LZTS1: variants seen among roughly 807,000 people sequenced by gnomAD.
LZTS1 encodes leucine zipper tumor suppressor 1.
A neutral mutation model predicts 45.8 loss-of-function variants in LZTS1; 31 were observed. The observed-to-expected ratio is 0.68, with a 90% CI of 0.51 to 0.91. The LOEUF is 0.91. Ranked by LOEUF, LZTS1 falls within the 40% of genes least tolerant of loss-of-function variation. The probability of loss-of-function intolerance (pLI) is 0.00; values close to 1 mark genes in which losing one functional copy is unlikely to be tolerated. For synonymous variants in LZTS1, 359 were observed against 357.3 expected (o/e 1.00, Z -0.05); for missense variants, 821 against 788.9 (o/e 1.04, Z -0.49).
At chr8:20,270,941 C>T (rs1800461043) in intron 1 of LZTS1, among the ~76,000 whole-genome samples, 1 of 151,978 alleles carries the variant, frequency 6.6e-6, no homozygotes, top group Non-Finnish European at 1.5e-5. Flanking sequence ...CAGCAGGAAG[C>T]ACAGCTCAGA....
intron 1 of LZTS1, 44 bp downstream of exon 1, chr8:20,303,696 C>T: frequency 2.0e-6 from 2 of 985,488 alleles, no homozygotes; most frequent in Non-Finnish European, 2.4e-6. Context: ...GCCAGGGCAG[C>T]AGACCCTCCA....
At chr8:20,288,046 C>T (rs1346246355) in intron 1 of LZTS1, among the ~76,000 whole-genome samples, 3 of 152,176 alleles carry the variant, frequency 2.0e-5, no homozygotes, top group African/African-American at 7.2e-5. Context: ...CTGCCCAGCC[C>T]CCACCTCCTG....
chr8:20,299,194 G>C (rs1801030047), intron 1 of LZTS1, among the ~76,000 whole-genome samples: 1 of 152,198 alleles, frequency 6.6e-6, no homozygotes, highest in Non-Finnish European at 1.5e-5. Context: ...TCTTGGAAGA[G>C]AGAGCCCTGT....
intron 3 of LZTS1, among the ~76,000 whole-genome samples, chr8:20,252,473 G>A (rs1199777084): frequency 5.3e-5 from 8 of 152,208 alleles, no homozygotes; most frequent in Admixed American, 5.2e-4. Flanking sequence ...CTGATGGAAG[G>A]GAGGTCAGCC....
chr8:20,254,675 T>C (rs1444416284), intron 2 of LZTS1, among the ~76,000 whole-genome samples, 162 bp downstream of exon 2: 2 of 152,224 alleles, frequency 1.3e-5, no homozygotes, highest in African/African-American at 4.8e-5. Context: ...GTTTGATCTC[T>C]GCGGTGTGGC....
In LZTS1 at chr8:20,262,108, C is replaced by A. The variant is rs566367274; in HGVS notation, c.-134-6793G>T. ...CCCCTCTTTACCCCATCCATTCCCC[C>A]CCAGAACTTTTGCCCTTTGCAGGCC... On this transcript the variant is annotated intron_variant, in intron 1 of 3. Transcript: ENST00000381569. 7.9e-5 allele frequency among the ~76,000 whole-genome samples: 12 copies of A among 152,314 alleles called. No homozygotes were observed. In the South Asian group the frequency reaches 1.7e-3, roughly 21 times the overall value.
Position 20,250,045 on chromosome 8 carries a change from G to T in LZTS1, c.1468C>A (p.Pro490Thr). The T allele has an allele frequency of 6.2e-7, 1 of 1,608,724 alleles. No homozygotes were observed. ...GGGACGTCCTCGGGGAAGGTGGGCG[G>T]CCCCATGTCGCGGGCCAGGGCGGCC... ...AQAALARDMG[P>T]PTFPEDVPAL... The change falls in exon 4 of 4, where the codon CCG (proline) becomes ACG (threonine). Residue 490 changes from proline (P) to threonine (T), a missense_variant. Physicochemically the swap from Pro to Thr is conservative, Grantham distance 38. Coordinates refer to ENST00000381569, the MANE Select transcript of LZTS1 (RefSeq NM_021020.5).
chr8:20,247,247 A>G lies in LZTS1; in HGVS notation c.*2475T>C, dbSNP rs1185997024. On this transcript the variant is annotated 3_prime_UTR_variant, in exon 4 of 4. Transcript: ENST00000381569. The stretch of plus-strand genomic sequence containing the variant: ...AGGTACCGGGACACCATGGCGGAGC[A>G]CAGCCTCCGCCTCAGGGCCTTCCCC... The G allele has an allele frequency of 6.6e-6, 1 of 152,338 alleles. No individual in the cohort carries two copies. The highest frequency in any genetic ancestry group is 2.4e-5 in the African/African-American group (1 of 41,428). 9.4% of individuals were successfully genotyped at this position (152,338 alleles called of 1,614,324 possible).
chr8:20,279,756 G>C (rs954182693), intron 1 of LZTS1, among the ~76,000 whole-genome samples: 1 of 150,280 alleles, frequency 6.7e-6, no homozygotes, highest in Non-Finnish European at 1.5e-5. Context: ...GGAGGCCAAA[G>C]TGAGCAGATC....
At chr8:20,288,517 C>CCT (rs1403098888) in intron 1 of LZTS1, among the ~76,000 whole-genome samples, 4 of 152,206 alleles carry the variant, frequency 2.6e-5, no homozygotes, top group African/African-American at 9.7e-5. Context: ...CTGGTGCCTG[C>CCT]CTCACCCCAA....
intron 1 of LZTS1, among the ~76,000 whole-genome samples, chr8:20,267,107 CAAA>C (rs11379373): frequency 1.1e-4 from 12 of 109,680 alleles, no homozygotes; most frequent in Admixed American, 1.9e-4. Context: ...GACTCCATCT[CAAA>C]AAAAAAAAAA....
intron 1 of LZTS1, among the ~76,000 whole-genome samples, chr8:20,270,722 C>T (rs1800454623): frequency 6.6e-6 from 1 of 152,026 alleles, no homozygotes; most frequent in South Asian, 2.1e-4. Flanking sequence ...GTCTTAAAGA[C>T]ACTCCCTCCC....
chr8:20,281,661 G>C (rs923280017), intron 1 of LZTS1, among the ~76,000 whole-genome samples: 5 of 152,168 alleles, frequency 3.3e-5, no homozygotes, highest in African/African-American at 4.8e-5. Flanking sequence ...ATTGAAAAGA[G>C]GCTGGCATCT....
rs1799741161 is a variant in LZTS1 at position 20,246,806 on chromosome 8, T to C, written c.*2916A>G. ...TGCTGCTCTCTCCTGCAGGCGTCCTTTGGGGACAGAGCAGGTTGGTCCATC... is the reference window on the plus strand; with the variant it reads ...TGCTGCTCTCTCCTGCAGGCGTCCTCTGGGGACAGAGCAGGTTGGTCCATC... On this transcript the variant is annotated 3_prime_UTR_variant, in exon 4 of 4. Coordinates refer to ENST00000381569, the MANE Select transcript of LZTS1 (RefSeq NM_021020.5). The C allele has an allele frequency of 6.6e-6, 1 of 152,232 alleles. No homozygotes were observed. The highest frequency in any genetic ancestry group is 1.5e-5 in the Non-Finnish European group (1 of 68,136). The allele number at this position is 152,232 out of a possible 1,614,324, so 9.4% of individuals were successfully genotyped here.
Position 20,277,842 on chromosome 8 carries a change from C to G in LZTS1, c.-134-22527G>C, listed in dbSNP as rs115897838. Among the ~76,000 whole-genome samples the G allele has an allele frequency of 1.8e-3, 270 of 152,288 alleles. 2 individuals carry two copies. Among genetic ancestry groups the G allele is most frequent in the African/African-American group, 6.0e-3 (251 of 41,544 alleles). ...CAGTAGGACTTGCTGTGTCTAATGC[C>G]AATTCCAGCTTGGTGCAGAGCTTGG... On this transcript the variant is annotated intron_variant, in intron 1 of 3. Transcript: ENST00000381569.
intron 1 of LZTS1, among the ~76,000 whole-genome samples, chr8:20,301,054 G>C (rs1801066908): frequency 6.7e-6 from 1 of 150,324 alleles, no homozygotes; most frequent in African/African-American, 2.5e-5. Context: ...CCAGGAGGTG[G>C]AGGTTGCGGT....
intron 1 of LZTS1, among the ~76,000 whole-genome samples, chr8:20,273,274 T>A (rs1465219646): frequency 6.6e-6 from 1 of 152,288 alleles, no homozygotes; most frequent in Admixed American, 6.5e-5. Flanking sequence ...TTTACCTCTT[T>A]CATTCTCTAA....
chr8:20,253,373 G>C lies in LZTS1; in HGVS notation c.558C>G (p.Ser186Arg). The change falls in exon 3 of 4, where the codon AGC becomes AGG. Residue 186 changes from serine to arginine, a missense_variant. Ser to Arg is a moderately radical substitution (Grantham distance 110, BLOSUM62 -1). Transcript: ENST00000381569. Reference protein sequence around the residue: ...RNSMSSLPTHSTSSSYQLDPL... With the variant: ...RNSMSSLPTHRTSSSYQLDPL... ...GGTCCAGCTGGTAGCTGCTGCTGGT[G>C]CTGTGTGTGGGCAGGCTGGACATGG... 1 of 1,613,434 alleles carries C rather than the reference G, an allele frequency of 6.2e-7. No homozygotes were observed. Among genetic ancestry groups the C allele is most frequent in the Admixed American group, 1.7e-5 (1 of 60,014 alleles).
intron 2 of LZTS1, 61 bp from the exon 3 acceptor site, chr8:20,253,646 TC>T: frequency 7.6e-7 from 1 of 1,313,018 alleles, no homozygotes; most frequent in Non-Finnish European, 1.0e-6. Flanking sequence ...GCACCCTCCC[TC>T]CCCAGGCACG....
Sources: allele counts gnomAD v4.1 joint callset (sites outside exome capture counted in the v4.1 genomes callset), GRCh38; gene constraint gnomAD v4.1.1; transcripts MANE v1.5; gene names NCBI Gene and HGNC (gene_info 2026-07-23, HGNC 2026-07-21).